Variants in BEND5 observed in about 807,000 individuals in gnomAD.
BEND5 encodes BEN domain containing 5.
BEND5 carries 22 observed loss-of-function variants against 43.9 expected under a neutral mutation model. That is an observed-to-expected ratio of 0.50 (90% CI 0.36 to 0.72). The LOEUF is 0.72. Among genes scored for constraint, BEND5 ranks in the 30% least tolerant of loss-of-function variants. The pLI, the probability that BEND5 is intolerant of heterozygous loss-of-function variation, is 0.00. For missense variants in BEND5, 428 were observed against 550.6 expected (o/e 0.78, Z 2.23); for synonymous variants, 228 against 225.9 (o/e 1.01, Z -0.08).
chr1:48,733,130 TG>T (rs1272950555), intron 5 of BEND5, among the ~76,000 whole-genome samples: 1 of 151,976 alleles, frequency 6.6e-6, no homozygotes, highest in Non-Finnish European at 1.5e-5. Flanking sequence ...AGCCTGCATG[TG>T]AAAGAAGGGA....
chr1:48,770,329 A>C (rs985634407), intron 1 of BEND5, among the ~76,000 whole-genome samples: 1 of 152,176 alleles, frequency 6.6e-6, no homozygotes, highest in Non-Finnish European at 1.5e-5. Flanking sequence ...AAGAAACCCA[A>C]ACAAGCCTAG....
chr1:48,761,164 C>T, intron 2 of BEND5, 173 bp downstream of exon 2: 1 of 705,922 alleles, frequency 1.4e-6, no homozygotes, highest in Non-Finnish European at 2.3e-6. Context: ...GAAAGTTGGC[C>T]AGCAAGGCAA....
At position 48,742,779 on chromosome 1, in the gene BEND5, G is replaced by A; in HGVS notation, c.746-8C>T. The A allele has an allele frequency of 6.4e-7, 1 of 1,553,552 alleles. No individual in the cohort carries two copies. Among genetic ancestry groups the A allele is most frequent in the Admixed American group, 1.9e-5 (1 of 51,746 alleles). ...CCAGATCAATGGCGGGACCTAGGCAGTTAAGAAAAGAAATCTGTCTAGAAC... is the reference window on the plus strand; with the variant it reads ...CCAGATCAATGGCGGGACCTAGGCAATTAAGAAAAGAAATCTGTCTAGAAC... On this transcript the variant is annotated splice_polypyrimidine_tract_variant and splice_region_variant and intron_variant, in intron 3 of 5. Transcript: ENST00000371833.
In BEND5 at chr1:48,750,566, T is replaced by C. The variant is rs117798605; in HGVS notation, c.746-7795A>G. ...AGTAAAGCTCACCCTGCATCCCAAC[T>C]GTCTGCTGTTGAGACTGTGACTTCT... On this transcript the variant is annotated intron_variant, in intron 3 of 5. Transcript: ENST00000371833. Among the ~76,000 whole-genome samples, 67 of 152,330 alleles carry C rather than the reference T, an allele frequency of 4.4e-4. 1 individual carries two copies. The East Asian group carries it at 0.013, about 29-fold the overall frequency.
chr1:48,767,476 C>G (rs1389258796), intron 1 of BEND5, among the ~76,000 whole-genome samples: 2 of 152,154 alleles, frequency 1.3e-5, no homozygotes, highest in African/African-American at 4.8e-5. Flanking sequence ...CAGTGGCAAG[C>G]AAGACGGATA....
chr1:48,728,629 A>G (rs1570374560), intron 5 of BEND5, among the ~76,000 whole-genome samples: 1 of 152,154 alleles, frequency 6.6e-6, no homozygotes, highest in Non-Finnish European at 1.5e-5. Context: ...GTCAATGGAT[A>G]CTTGGTTTTG....
chr1:48,769,555 ACACACACACACACAC>A (rs1238719900), intron 1 of BEND5, among the ~76,000 whole-genome samples: 269 of 147,736 alleles, frequency 1.8e-3, no homozygotes, highest in African/African-American at 6.5e-3. Flanking sequence ...ACACACACAC[ACACACACACACACAC>A]AAGTTAAATT....
At chr1:48,774,121 C>A (rs915583845) in intron 1 of BEND5, among the ~76,000 whole-genome samples, 4 of 152,230 alleles carry the variant, frequency 2.6e-5, no homozygotes, top group African/African-American at 9.6e-5. Flanking sequence ...CTGAAACTAC[C>A]TTGGAAACCA....
intron 1 of BEND5, 137 bp from the exon 2 acceptor site, chr1:48,761,607 G>A: frequency 1.1e-6 from 1 of 894,050 alleles, no homozygotes; most frequent in Non-Finnish European, 1.7e-6. Flanking sequence ...CAGACTCAAG[G>A]CTGGTTCCCT....
chr1:48,743,261 G>A (rs180941006), intron 3 of BEND5, among the ~76,000 whole-genome samples: 167 of 152,266 alleles, frequency 1.1e-3, no homozygotes, highest in African/African-American at 3.9e-3. Flanking sequence ...CTAGACTGGA[G>A]CATTTGAATC....
chr1:48,739,617 C>T (rs892735054), intron 4 of BEND5, among the ~76,000 whole-genome samples: 7 of 152,176 alleles, frequency 4.6e-5, no homozygotes, highest in African/African-American at 1.4e-4. Context: ...GGGCCAGTCA[C>T]TTTATTTCCT....
intron 3 of BEND5, among the ~76,000 whole-genome samples, chr1:48,756,482 G>A (rs1289822694): frequency 6.6e-6 from 1 of 152,134 alleles, no homozygotes; most frequent in Non-Finnish European, 1.5e-5. Flanking sequence ...CTTACACTAG[G>A]CTAGGTCCCT....
At chr1:48,731,874 G>C (rs1648194197) in intron 5 of BEND5, among the ~76,000 whole-genome samples, 1 of 152,146 alleles carries the variant, frequency 6.6e-6, no homozygotes, top group Non-Finnish European at 1.5e-5. Context: ...GCTGTGACTG[G>C]GTGGTGGTCA....
intron 3 of BEND5, among the ~76,000 whole-genome samples, chr1:48,744,591 C>T (rs547524389): frequency 6.6e-6 from 1 of 152,312 alleles, no homozygotes; most frequent in African/African-American, 2.4e-5. Flanking sequence ...CCTCTAAAGC[C>T]TCCTTTTCCT....
rs1435105812 is a variant in BEND5, at chr1:48,736,717, C to T, written c.895-265G>A. On this transcript the variant is annotated intron_variant, in intron 4 of 5. Transcript: ENST00000371833. This position sits in a 1 kb window ranked among gnomAD's most constrained non-coding sequence, Gnocchi z 4.0. ...AGGCATTATAACACCATTTTCCTTT[C>T]AGATGGAAACACCGGTTCAGACAGG... 1.3e-5 allele frequency among the ~76,000 whole-genome samples: 2 copies of T among 152,166 alleles called. No homozygotes were observed. Among genetic ancestry groups the T allele is most frequent in the East Asian group, 3.9e-4 (2 of 5,188 alleles).
chr1:48,751,211 C>A (rs1257611536), intron 3 of BEND5, among the ~76,000 whole-genome samples: 1 of 152,188 alleles, frequency 6.6e-6, no homozygotes, highest in African/African-American at 2.4e-5. Flanking sequence ...GGCCATGTTG[C>A]CTGGTAAGGC....
At chr1:48,769,597 C>T (rs951697661) in intron 1 of BEND5, among the ~76,000 whole-genome samples, 15 of 149,134 alleles carry the variant, frequency 1.0e-4, no homozygotes, top group Admixed American at 6.0e-4. Context: ...TTGTATGCTC[C>T]TTCCAAGTGC....
chr1:48,733,159 G>A, intron 5 of BEND5, among the ~76,000 whole-genome samples: 1 of 152,192 alleles, frequency 6.6e-6, no homozygotes, highest in East Asian at 1.9e-4. Flanking sequence ...TAGCAGCTGG[G>A]TGACAGAGTG....
intron 3 of BEND5, among the ~76,000 whole-genome samples, chr1:48,755,372 T>C (rs558550882): frequency 6.6e-6 from 1 of 152,336 alleles, no homozygotes; most frequent in South Asian, 2.1e-4. Context: ...TCCTGACCTG[T>C]TGGCCTCCCT....
Sources: gnomAD v4.1 joint callset for allele counts (sites outside exome capture counted in the v4.1 genomes callset) on GRCh38, gnomAD v4.1.1 for gene constraint, Gnocchi (gnomAD v3.1) non-coding constraint, MANE v1.5 for transcripts, NCBI Gene and HGNC (gene_info 2026-07-23, HGNC 2026-07-21) for gene names.